The following MAN1B1 variants were observed in gnomAD, a reference collection of about 807,000 sequenced individuals.
MAN1B1 encodes the protein mannosidase alpha class 1B member 1, also known as endoplasmic reticulum mannosyl-oligosaccharide 1,2-alpha-mannosidase.
A neutral mutation model predicts 75.5 loss-of-function variants in MAN1B1; 66 were observed. That is an observed-to-expected ratio of 0.87 (90% CI 0.72 to 1.07). MAN1B1 has a LOEUF of 1.07. Ranked by LOEUF, MAN1B1 falls within the 50% of genes least tolerant of loss-of-function variation. The pLI is 0.00. For synonymous variants in MAN1B1, 453 were observed against 382.8 expected, an observed-to-expected ratio of 1.18 and a Z score of -2.14; for missense variants, 973 against 912.5, an observed-to-expected ratio of 1.07 and a Z score of -0.85.
intron 5 of MAN1B1, among the ~76,000 whole-genome samples, chr9:137,098,367 C>T (rs575360808): frequency 1.1e-4 from 17 of 152,222 alleles, no homozygotes; most frequent in Middle Eastern, 3.2e-3. Context: ...TCATGACACC[C>T]TCTGACACGA....
intron 8 of MAN1B1, chr9:137,105,837 C>T: frequency 1.7e-6 from 1 of 594,008 alleles, no homozygotes; most frequent in African/African-American, 1.8e-5. Context: ...CAGATGCTGT[C>T]CCTTCGAGTA....
chr9:137,102,079 G>C, intron 8 of MAN1B1: 1 of 428,686 alleles, frequency 2.3e-6, no homozygotes, highest in Non-Finnish European at 4.5e-6. Flanking sequence ...ACAGGTCGGT[G>C]GTGTTACATG....
At chr9:137,094,573 C>T in intron 3 of MAN1B1, 1 of 168,470 alleles carries the variant, frequency 5.9e-6, no homozygotes. Context: ...GACCCCATCT[C>T]TATTAAAAAA....
rs72101160 is a variant in MAN1B1, at chr9:137,102,681, CTG to C, written c.1254+1011_1254+1012del. 70 of 425,292 alleles carry C rather than the reference CTG, an allele frequency of 1.6e-4. 1 individual carries two copies. Among genetic ancestry groups the C allele is most frequent in the East Asian group, 5.5e-4 (7 of 12,758 alleles). The allele number at this position is 425,292 out of a possible 1,614,324, so 26.3% of individuals were successfully genotyped here. ...GTCGGTGGTGTTACACACATTCACACTGTTGCAGACATGCAGGTCGGTGCTGT... is the reference window on the plus strand; with the variant it reads ...GTCGGTGGTGTTACACACATTCACACTTGCAGACATGCAGGTCGGTGCTGT... On this transcript the variant is annotated intron_variant, in intron 8 of 12. Transcript: ENST00000371589.
At position 137,099,732 on chromosome 9, in the gene MAN1B1, T is replaced by C; in HGVS notation, c.767T>C (p.Val256Ala). 1 of 1,614,232 alleles carries C rather than the reference T, an allele frequency of 6.2e-7. No homozygotes were observed. The highest frequency in any genetic ancestry group is 1.1e-5 in the South Asian group (1 of 91,086). The change falls in exon 6 of 13, where the codon GTC becomes GCC. Residue 256 changes from valine to alanine, a missense_variant. By Grantham distance (64) the Val-to-Ala change is moderately conservative (BLOSUM62 0). Coordinates refer to ENST00000371589, the MANE Select transcript of MAN1B1 (RefSeq NM_016219.5). ...LNYRQKGVIDVFLHAWKGYRK... is the reference protein window; with the variant it reads ...LNYRQKGVIDAFLHAWKGYRK... ...TATCGCCAGAAGGGCGTGATTGACG[T>C]CTTCCTGCATGCATGGAAAGGATAC...
intron 3 of MAN1B1, among the ~76,000 whole-genome samples, chr9:137,094,095 A>G (rs756757648): frequency 7.4e-5 from 11 of 149,474 alleles, no homozygotes; most frequent in Non-Finnish European, 1.3e-4. Context: ...ACTCACTGCA[A>G]CCTCCACGTC....
At chr9:137,096,542 G>A (rs1830657982) in intron 4 of MAN1B1, 151 bp downstream of exon 4, 6 of 1,163,852 alleles carry the variant, frequency 5.2e-6, no homozygotes, top group African/African-American at 1.5e-5. Flanking sequence ...TTAGATTACA[G>A]AATCGAATTT....
intron 3 of MAN1B1, among the ~76,000 whole-genome samples, chr9:137,090,082 G>A (rs534969774): frequency 1.3e-5 from 2 of 152,270 alleles, no homozygotes; most frequent in African/African-American, 4.8e-5. Flanking sequence ...AGGGGGAGTG[G>A]AGACTGGGGA....
chr9:137,108,364 G>GACGAGGCCCTGGCTGCTGC, intron 12 of MAN1B1, 24 bp from the exon 13 acceptor site: 1 of 1,607,746 alleles, frequency 6.2e-7, no homozygotes, highest in Non-Finnish European at 8.5e-7. Context: ...CCCGTGTGGT[G>GACGAGGCCCTGGCTGCTGC]ACGAGGCCCT....
chr9:137,092,248 C>T (rs1830536364), intron 3 of MAN1B1, among the ~76,000 whole-genome samples: 1 of 151,948 alleles, frequency 6.6e-6, no homozygotes, highest in African/African-American at 2.4e-5. Context: ...GTCCCAGCTA[C>T]CTGGGAGGCT....
intron 3 of MAN1B1, among the ~76,000 whole-genome samples, chr9:137,091,031 A>G (rs771404282): frequency 6.6e-6 from 1 of 152,126 alleles, no homozygotes; most frequent in Non-Finnish European, 1.5e-5. Context: ...TGGCCCCTAG[A>G]AGGTGCCGTG....
intron 8 of MAN1B1, chr9:137,103,406 G>A (rs564202293): frequency 2.3e-6 from 1 of 443,138 alleles, no homozygotes; most frequent in African/African-American, 2.1e-5. Flanking sequence ...GTGCAGGTCG[G>A]TGGTGTTACA....
chr9:137,107,127 G>A (rs372676029), intron 10 of MAN1B1, 123 bp from the exon 11 acceptor site: 8 of 1,070,092 alleles, frequency 7.5e-6, no homozygotes, highest in Admixed American at 2.4e-5. Flanking sequence ...GTGCCCTCGC[G>A]TGGCCTCCCC....
intron 12 of MAN1B1, chr9:137,107,992 A>C: frequency 4.8e-6 from 3 of 622,168 alleles, no homozygotes; most frequent in Non-Finnish European, 8.8e-6. Flanking sequence ...CTGGGGCACC[A>C]TCCCCACTGT....
intron 4 of MAN1B1, 31 bp downstream of exon 4, chr9:137,096,422 C>G (rs761549375): frequency 1.2e-5 from 20 of 1,609,750 alleles, no homozygotes; most frequent in Non-Finnish European, 1.6e-5. Flanking sequence ...TGCACGCCGC[C>G]GCTCAGGGCT....
At chr9:137,102,537 G>C in intron 8 of MAN1B1, 1 of 428,184 alleles carries the variant, frequency 2.3e-6, no homozygotes. Context: ...CAGGCGTGCA[G>C]GTCGGTGGTG....
At position 137,108,372 on chromosome 9, in the gene MAN1B1, C is replaced by A. The variant is rs1302924244; in HGVS notation, c.1897-16C>A. ...GGTGCCCCCCGTGTGGTGACGAGGCCCTGGCTGCTGCACAGGTCCCCTCGG... is the reference window on the plus strand; with the variant it reads ...GGTGCCCCCCGTGTGGTGACGAGGCACTGGCTGCTGCACAGGTCCCCTCGG... On this transcript the variant is annotated splice_polypyrimidine_tract_variant and intron_variant, in intron 12 of 12. Coordinates refer to ENST00000371589, the MANE Select transcript of MAN1B1 (RefSeq NM_016219.5). The A allele has an allele frequency of 2.5e-6, 4 of 1,612,258 alleles. No homozygotes were observed. The highest frequency in any genetic ancestry group is 3.4e-6 in the Non-Finnish European group (4 of 1,178,926).
chr9:137,090,275 G>T (rs185416943), intron 3 of MAN1B1, among the ~76,000 whole-genome samples: 293 of 152,292 alleles, frequency 1.9e-3, no homozygotes, highest in African/African-American at 6.7e-3. Context: ...ATCTGTGATT[G>T]TGTCTAGCAG....
chr9:137,091,676 G>A lies in MAN1B1; in HGVS notation c.465+2671G>A, dbSNP rs140149035. On this transcript the variant is annotated intron_variant, in intron 3 of 12. Transcript: ENST00000371589. The stretch of plus-strand genomic sequence containing the variant: ...TGAGTAGCTAGGACTACAGGTGCCC[G>A]CCACCACGCCCGGCTAATTTTTTGT... Among the ~76,000 whole-genome samples the A allele has an allele frequency of 3.0e-3, 455 of 151,950 alleles. 2 individuals carry two copies. Among genetic ancestry groups the A allele is most frequent in the African/African-American group, 0.011 (437 of 41,442 alleles).
Sources: gnomAD v4.1 joint callset for allele counts (sites outside exome capture counted in the v4.1 genomes callset) on GRCh38, gnomAD v4.1.1 for gene constraint, MANE v1.5 for transcripts, NCBI Gene and HGNC (gene_info 2026-07-23, HGNC 2026-07-21) for gene names.